The following EFNA5 variants were observed in gnomAD, a reference collection of about 807,000 sequenced individuals.
The protein encoded by EFNA5 is ephrin-A5.
EFNA5 carries 5 observed loss-of-function variants against 22.9 expected under a neutral mutation model. The ratio of observed to expected loss-of-function variants is 0.22; its 90% CI spans 0.11 to 0.46. The LOEUF is 0.46. EFNA5 is among the 20% of genes least tolerant of loss of function. The pLI is 0.99. For missense variants in EFNA5, 237 were observed against 293.3 expected (o/e 0.81, Z 1.40); for synonymous variants, 113 against 112.2 (o/e 1.01, Z -0.04).
intron 2 of EFNA5, among the ~76,000 whole-genome samples, chr5:107,414,765 A>C (rs536098267): frequency 6.6e-6 from 1 of 152,330 alleles, no homozygotes; most frequent in African/African-American, 2.4e-5. Context: ...CTGTTATTTG[A>C]TTAAACTAAT....
intron 1 of EFNA5, among the ~76,000 whole-genome samples, chr5:107,638,010 C>T (rs1407723471): frequency 8.6e-6 from 1 of 116,894 alleles, no homozygotes; most frequent in Admixed American, 9.5e-5. Flanking sequence ...CCACGCCTGG[C>T]TAATTTTTTG....
chr5:107,552,744 AT>A (rs1748325825), intron 1 of EFNA5, among the ~76,000 whole-genome samples: 1 of 152,246 alleles, frequency 6.6e-6, no homozygotes, highest in Non-Finnish European at 1.5e-5. Flanking sequence ...GATTTTAAAA[AT>A]TCAGAGAAGA....
At chr5:107,633,430 C>G (rs1750302030) in intron 1 of EFNA5, among the ~76,000 whole-genome samples, 1 of 152,222 alleles carries the variant, frequency 6.6e-6, no homozygotes, top group Non-Finnish European at 1.5e-5. Context: ...TCTGAGGCAT[C>G]CTGGCGGTAG....
intron 1 of EFNA5, among the ~76,000 whole-genome samples, chr5:107,489,703 C>A (rs1746749931): frequency 6.6e-6 from 1 of 150,616 alleles, no homozygotes; most frequent in Admixed American, 6.6e-5. Context: ...ATTCCTGCAA[C>A]TGAACATTAT....
Position 107,387,253 on chromosome 5 carries a change from T to G in EFNA5, c.547A>C (p.Asn183His), listed in dbSNP as rs755220021. The part of the protein sequence containing the change: ...RVFDVNDKVE[N>H]SLEPADDTVH... ...TACTAACCTGCTGGTTCTAATGAATTTTCTACTTTGTCGTTAACATCGAAA... is the reference window on the plus strand; with the variant it reads ...TACTAACCTGCTGGTTCTAATGAATGTTCTACTTTGTCGTTAACATCGAAA... The change falls in exon 4 of 5, where the codon AAT (asparagine) becomes CAT (histidine). Residue 183 changes from asparagine (N) to histidine (H), a missense_variant. By Grantham distance (68) the Asn-to-His change is moderately conservative (BLOSUM62 1). Around this residue, in one of 3 missense-constraint regions of EFNA5, gnomAD observed 104 missense variants for 114.5 expected, o/e 0.91. Coordinates refer to ENST00000333274, the MANE Select transcript of EFNA5 (RefSeq NM_001962.3). The G allele has an allele frequency of 6.2e-7, 1 of 1,605,304 alleles. No homozygotes were observed. The highest frequency in any genetic ancestry group is 8.5e-7 in the Non-Finnish European group (1 of 1,174,224).
intron 2 of EFNA5, among the ~76,000 whole-genome samples, chr5:107,422,326 T>C (rs955961093): frequency 5.9e-5 from 9 of 152,196 alleles, no homozygotes; most frequent in Non-Finnish European, 1.2e-4. Flanking sequence ...AGCAATGTAA[T>C]ACAGGGCAGA....
At chr5:107,650,646 C>T (rs1750710857) in intron 1 of EFNA5, among the ~76,000 whole-genome samples, 1 of 152,172 alleles carries the variant, frequency 6.6e-6, no homozygotes, top group Non-Finnish European at 1.5e-5. Flanking sequence ...CCAAAACTGA[C>T]TTTAAGTGAA....
At chr5:107,481,346 ATCGC>A (rs1459481506) in intron 1 of EFNA5, among the ~76,000 whole-genome samples, 4 of 152,214 alleles carry the variant, frequency 2.6e-5, no homozygotes, top group African/African-American at 9.7e-5. Flanking sequence ...GGCCTTCTCC[ATCGC>A]ACTGGGCCAG....
At chr5:107,630,022 C>T (rs546361926) in intron 1 of EFNA5, among the ~76,000 whole-genome samples, 1 of 150,988 alleles carries the variant, frequency 6.6e-6, no homozygotes, top group South Asian at 2.1e-4. Context: ...CACCACTGCA[C>T]TCCAGGCTGA....
chr5:107,528,144 A>G (rs1196177572), intron 1 of EFNA5, among the ~76,000 whole-genome samples: 3 of 152,194 alleles, frequency 2.0e-5, no homozygotes, highest in Non-Finnish European at 4.4e-5. Context: ...TGTCATCTGC[A>G]AAATGGGAAT....
chr5:107,594,013 T>C (rs182781102), intron 1 of EFNA5, among the ~76,000 whole-genome samples: 1 of 152,334 alleles, frequency 6.6e-6, no homozygotes, highest in East Asian at 1.9e-4. Flanking sequence ...GTGAGACAAG[T>C]CAAGGTATGT....
At chr5:107,532,099 T>C (rs1156990963) in intron 1 of EFNA5, among the ~76,000 whole-genome samples, 2 of 152,182 alleles carry the variant, frequency 1.3e-5, no homozygotes, top group East Asian at 3.9e-4. Flanking sequence ...TAGAGGTTAA[T>C]GGAAAATGGG....
intron 1 of EFNA5, among the ~76,000 whole-genome samples, chr5:107,481,528 C>T (rs1021142987): frequency 7.9e-5 from 12 of 152,182 alleles, no homozygotes; most frequent in Non-Finnish European, 1.6e-4. Context: ...AGGATGTCCT[C>T]TGTTTTTGAA....
chr5:107,377,510 G>A lies in EFNA5; in HGVS notation c.*3745C>T, dbSNP rs1280016334. 1 of 152,162 alleles carries A rather than the reference G, an allele frequency of 6.6e-6. No homozygotes were observed. Among genetic ancestry groups the A allele is most frequent in the Non-Finnish European group, 1.5e-5 (1 of 68,034 alleles). The allele number at this position is 152,162 out of a possible 1,614,324, so 9.4% of individuals were successfully genotyped here. ...TGAGAGCAATGAATGGAAAGGAGGA[G>A]TTGAAAACTGTTTTTCTAATTATTT... On this transcript the variant is annotated 3_prime_UTR_variant, in exon 5 of 5. Coordinates refer to ENST00000333274, the MANE Select transcript of EFNA5 (RefSeq NM_001962.3).
At chr5:107,619,010 C>T (rs11242641) in intron 1 of EFNA5, among the ~76,000 whole-genome samples, 51,634 of 151,678 alleles carry the variant, frequency 0.34, 9,997 homozygotes, top group South Asian at 0.54. Context: ...CAAGCTCTGC[C>T]TCCCGGGTTC....
chr5:107,381,938 C>T (rs938095492), intron 4 of EFNA5, among the ~76,000 whole-genome samples: 3 of 152,152 alleles, frequency 2.0e-5, no homozygotes, highest in Non-Finnish European at 2.9e-5. Flanking sequence ...ATACATCATG[C>T]CTAGTAAACT....
intron 1 of EFNA5, among the ~76,000 whole-genome samples, chr5:107,633,594 A>T (rs1750307043): frequency 6.6e-6 from 1 of 152,244 alleles, no homozygotes; most frequent in South Asian, 2.1e-4. Context: ...GCAGTGTAAC[A>T]TAAAGGCCGA....
chr5:107,406,420 G>A (rs1748223001), intron 2 of EFNA5, among the ~76,000 whole-genome samples: 1 of 151,890 alleles, frequency 6.6e-6, no homozygotes, highest in African/African-American at 2.4e-5. Flanking sequence ...TGCAGCCTCT[G>A]GATGTTTTTC....
chr5:107,634,231 G>T (rs1265082192), intron 1 of EFNA5, among the ~76,000 whole-genome samples: 1 of 152,102 alleles, frequency 6.6e-6, no homozygotes, highest in African/African-American at 2.4e-5. Context: ...ATTGTGATTT[G>T]AAAATTCATA....
Sources: gnomAD v4.1 joint callset for allele counts (sites outside exome capture counted in the v4.1 genomes callset) on GRCh38, gnomAD v4.1.1 for gene constraint, gnomAD v4.1.1 regional missense constraint, MANE v1.5 for transcripts, NCBI Gene and HGNC (gene_info 2026-07-23, HGNC 2026-07-21) for gene names.